TSHZ2: variants seen among roughly 807,000 people sequenced by gnomAD.
TSHZ2 encodes the protein teashirt zinc finger homeobox 2, also known as teashirt homolog 2.
In TSHZ2, 21 loss-of-function variants were observed where a neutral mutation model predicts 74.4. That is an observed-to-expected ratio of 0.28 (90% CI 0.20 to 0.41). The LOEUF is 0.41. TSHZ2 is among the 10% of genes least tolerant of loss of function. The pLI, the probability that TSHZ2 is intolerant of heterozygous loss-of-function variation, is 1.00. For missense variants in TSHZ2, 1,244 were observed against 1,293.5 expected, an observed-to-expected ratio of 0.96 and a Z score of 0.59; for synonymous variants, 540 against 515.3, an observed-to-expected ratio of 1.05 and a Z score of -0.65.
At chr20:53,457,266 T>A (rs1453100270) in intron 2 of TSHZ2, among the ~76,000 whole-genome samples, 1 of 144,342 alleles carries the variant, frequency 6.9e-6, no homozygotes, top group Admixed American at 7.0e-5. Context: ...CTTGAAGAGG[T>A]CCTTCACATC....
Position 53,009,965 on chromosome 20 carries a change from A to G in TSHZ2, c.40+36632A>G, listed in dbSNP as rs576104768. Among the ~76,000 whole-genome samples the G allele has an allele frequency of 1.5e-4, 23 of 152,146 alleles. 1 individual carries two copies. The South Asian group carries it at 4.8e-3, about 32-fold the overall frequency. On this transcript the variant is annotated intron_variant, in intron 1 of 2. Transcript: ENST00000371497. ...CTTCGTGGCATCTTGTGTTTCGGGG[A>G]TGATGTAAACTATATCATAATCACT...
At chr20:53,478,657 AAAAAATAAATAAAAAAT>A (rs1425135017) in intron 2 of TSHZ2, among the ~76,000 whole-genome samples, 3 of 147,552 alleles carry the variant, frequency 2.0e-5, no homozygotes, top group African/African-American at 5.1e-5. Flanking sequence ...AAACTTTAAT[AAAAAATAAATAAAAAAT>A]AAAAATAAAT....
intron 1 of TSHZ2, among the ~76,000 whole-genome samples, chr20:53,223,939 G>A (rs1434252861): frequency 1.3e-5 from 2 of 150,724 alleles, no homozygotes; most frequent in East Asian, 3.9e-4. Context: ...ACACCCCTAA[G>A]TTTAGGTAAA....
chr20:52,989,554 A>T (rs1981897878), intron 1 of TSHZ2, among the ~76,000 whole-genome samples: 1 of 152,210 alleles, frequency 6.6e-6, no homozygotes, highest in Non-Finnish European at 1.5e-5. Context: ...TCTGTGCCTC[A>T]CTCCTGTAAA....
chr20:53,095,710 C>A (rs2123275115), intron 1 of TSHZ2, among the ~76,000 whole-genome samples: 1 of 152,234 alleles, frequency 6.6e-6, no homozygotes, highest in Middle Eastern at 3.4e-3. Context: ...ACTGTAAAAT[C>A]TTTAGCAACA....
At chr20:53,286,105 G>T (rs191785085) in intron 2 of TSHZ2, among the ~76,000 whole-genome samples, 1 of 152,288 alleles carries the variant, frequency 6.6e-6, no homozygotes, top group African/African-American at 2.4e-5. Context: ...AATGTTTTCT[G>T]CCATTAATAA....
intron 1 of TSHZ2, among the ~76,000 whole-genome samples, chr20:53,234,103 C>T (rs1176429429): frequency 6.6e-6 from 1 of 152,098 alleles, no homozygotes; most frequent in Non-Finnish European, 1.5e-5. Flanking sequence ...GTATTTCTAC[C>T]CTTAAATTGA....
In TSHZ2 at chr20:53,253,310, A is replaced by G. The variant is rs867213498; in HGVS notation, c.41-189A>G. Reference sequence around the variant, plus strand: ...ATGACTCCTGCCAATTGAAAAAAAAAAAAAAAAAAACACTAGATGGCACGA... The same window carrying G: ...ATGACTCCTGCCAATTGAAAAAAAAGAAAAAAAAAACACTAGATGGCACGA... On this transcript the variant is annotated intron_variant, in intron 1 of 2. Coordinates refer to ENST00000371497, the MANE Select transcript of TSHZ2 (RefSeq NM_173485.6). Among the ~76,000 whole-genome samples the G allele has an allele frequency of 7.2e-3, 1,098 of 152,004 alleles. 18 individuals are homozygous for G. Among genetic ancestry groups the G allele is most frequent in the African/African-American group, 0.025 (1,049 of 41,450 alleles).
intron 2 of TSHZ2, among the ~76,000 whole-genome samples, chr20:53,325,376 G>A (rs955764544): frequency 6.6e-6 from 1 of 152,202 alleles, no homozygotes; most frequent in South Asian, 2.1e-4. Context: ...TAAAGAGGAA[G>A]GTGGAGAGGC....
chr20:53,080,821 G>A (rs971998616), intron 1 of TSHZ2, among the ~76,000 whole-genome samples: 6 of 151,956 alleles, frequency 3.9e-5, no homozygotes, highest in African/African-American at 1.5e-4. Context: ...TATCATTTTT[G>A]TTGATCCAGA....
intron 2 of TSHZ2, among the ~76,000 whole-genome samples, chr20:53,257,280 T>C (rs1990502904): frequency 6.6e-6 from 1 of 152,240 alleles, no homozygotes; most frequent in Admixed American, 6.5e-5. Flanking sequence ...CTTTTGGTTT[T>C]CTTGTGGATA....
chr20:53,213,170 A>T (rs1163490925), intron 1 of TSHZ2, among the ~76,000 whole-genome samples: 2 of 152,206 alleles, frequency 1.3e-5, no homozygotes, highest in African/African-American at 2.4e-5. Flanking sequence ...ACACCGAAAA[A>T]CTTTTAAATA....
At chr20:53,275,863 G>A (rs1459013405) in intron 2 of TSHZ2, among the ~76,000 whole-genome samples, 2 of 152,172 alleles carry the variant, frequency 1.3e-5, no homozygotes, top group Non-Finnish European at 2.9e-5. Flanking sequence ...GAAGGTGGAG[G>A]TTGTGGTGAG....
chr20:53,188,620 G>C (rs1779108405), intron 1 of TSHZ2, among the ~76,000 whole-genome samples: 1 of 152,128 alleles, frequency 6.6e-6, no homozygotes, highest in Admixed American at 6.5e-5. Context: ...GTTAGGATTT[G>C]GTGCTAGTCC....
At chr20:52,994,018 G>A (rs998540184) in intron 1 of TSHZ2, among the ~76,000 whole-genome samples, 1 of 152,196 alleles carries the variant, frequency 6.6e-6, no homozygotes, top group Non-Finnish European at 1.5e-5. Context: ...AAGAGGCTTG[G>A]AAACTGCTTG....
chr20:53,313,405 C>T (rs1978870751), intron 2 of TSHZ2, among the ~76,000 whole-genome samples: 1 of 152,200 alleles, frequency 6.6e-6, no homozygotes, highest in Non-Finnish European at 1.5e-5. Flanking sequence ...GGGTCATAGT[C>T]ATGAATATCA....
At chr20:53,391,991 A>G (rs149332425) in intron 2 of TSHZ2, among the ~76,000 whole-genome samples, 287 of 152,326 alleles carry the variant, frequency 1.9e-3, no homozygotes, top group Middle Eastern at 3.4e-3. Context: ...CTCTGAATCT[A>G]GTCCTAAGAA....
rs547971054 is a variant in TSHZ2 at position 53,297,407 on chromosome 20, G to A, written c.*8+40836G>A. Among the ~76,000 whole-genome samples the A allele has an allele frequency of 3.3e-5, 5 of 152,102 alleles. No individual in the cohort carries two copies. In the East Asian group the frequency reaches 9.7e-4, roughly 29 times the overall value. ...TGGGACCACAGGTGTGCACCACCAC[G>A]CCCAGCTAATGCTTTAATTAGCGTG... On this transcript the variant is annotated intron_variant, in intron 2 of 2. Coordinates refer to ENST00000371497, the MANE Select transcript of TSHZ2 (RefSeq NM_173485.6).
intron 2 of TSHZ2, among the ~76,000 whole-genome samples, chr20:53,448,749 A>T (rs1984657144): frequency 6.6e-6 from 1 of 152,138 alleles, no homozygotes; most frequent in Admixed American, 6.5e-5. Context: ...AGAAGGTTTA[A>T]CTCAGTATCC....
Sources: allele counts gnomAD v4.1 joint callset (sites outside exome capture counted in the v4.1 genomes callset), GRCh38; gene constraint gnomAD v4.1.1; transcripts MANE v1.5; gene names NCBI Gene and HGNC (gene_info 2026-07-23, HGNC 2026-07-21).